The following PLCB4 variants were observed in gnomAD, a reference collection of about 807,000 sequenced individuals.
PLCB4 encodes phospholipase C beta 4.
A neutral mutation model predicts 178.8 loss-of-function variants in PLCB4; 77 were observed. That is an observed-to-expected ratio of 0.43 (90% confidence interval 0.36 to 0.52). PLCB4 has a LOEUF of 0.52. Ranked by LOEUF, PLCB4 falls within the 20% of genes least tolerant of loss-of-function variation. The pLI is 0.00. For missense variants in PLCB4, 1,024 were observed against 1,453.4 expected (o/e 0.70, Z 4.80); for synonymous variants, 496 against 490.8 (o/e 1.01, Z -0.14).
At chr20:9,100,120 G>T (rs2091084725) in intron 2 of PLCB4, among the ~76,000 whole-genome samples, 1 of 152,170 alleles carries the variant, frequency 6.6e-6, no homozygotes, top group African/African-American at 2.4e-5. Flanking sequence ...CTGGCGAGAT[G>T]ACTTAGAGAG....
chr20:9,476,528 CT>C (rs1251220344), intron 38 of PLCB4, among the ~76,000 whole-genome samples, 188 bp from the exon 39 acceptor site: 3 of 151,992 alleles, frequency 2.0e-5, no homozygotes, highest in East Asian at 1.9e-4. Flanking sequence ...TGTTTCGTTT[CT>C]TTTTTTTCTG....
intron 2 of PLCB4, among the ~76,000 whole-genome samples, chr20:9,147,743 C>G (rs1221474664): frequency 6.6e-6 from 1 of 152,138 alleles, no homozygotes; most frequent in Admixed American, 6.6e-5. Flanking sequence ...ACTTTTCAAG[C>G]CTTTCTTTGC....
At chr20:9,070,431 C>T (rs184439046) in intron 1 of PLCB4, among the ~76,000 whole-genome samples, 1 of 152,232 alleles carries the variant, frequency 6.6e-6, no homozygotes, top group Non-Finnish European at 1.5e-5. Flanking sequence ...TTTGAGTGGC[C>T]TCAGTTATAG....
intron 7 of PLCB4, among the ~76,000 whole-genome samples, chr20:9,357,134 A>T (rs1380767153): frequency 6.6e-6 from 1 of 152,206 alleles, no homozygotes; most frequent in East Asian, 1.9e-4. Context: ...ATAGAAAAGT[A>T]AAACAAGAAA....
intron 3 of PLCB4, among the ~76,000 whole-genome samples, chr20:9,287,419 C>A (rs2094545245): frequency 6.6e-6 from 1 of 152,026 alleles, no homozygotes; most frequent in Non-Finnish European, 1.5e-5. Context: ...CTGTCTGATT[C>A]TTTTGTGAAA....
intron 20 of PLCB4, 126 bp downstream of exon 20, chr20:9,401,716 G>A (rs2039042796): frequency 9.2e-6 from 6 of 653,508 alleles, no homozygotes; most frequent in Non-Finnish European, 1.3e-5. Context: ...CTTAGGATAC[G>A]AGTCTGTGCT....
chr20:9,094,770 G>T lies in PLCB4; in HGVS notation c.-134-1517G>T, dbSNP rs553554270. Among the ~76,000 whole-genome samples the T allele has an allele frequency of 2.6e-5, 4 of 152,278 alleles. No homozygotes were observed. In the South Asian group the frequency reaches 8.3e-4, roughly 32 times the overall value. Reference sequence around the variant, plus strand: ...ATCTATAAGTGGCCCCACCCCAGTTGTTACTATGTCATAGATTATGATTTG... The same window carrying T: ...ATCTATAAGTGGCCCCACCCCAGTTTTTACTATGTCATAGATTATGATTTG... On this transcript the variant is annotated intron_variant, in intron 1 of 39. Coordinates refer to ENST00000378473, the MANE Select transcript of PLCB4 (RefSeq NM_001377142.1).
chr20:9,418,502 T>A (rs1257175300), intron 25 of PLCB4, among the ~76,000 whole-genome samples: 1 of 152,178 alleles, frequency 6.6e-6, no homozygotes, highest in African/African-American at 2.4e-5. Context: ...TTATAGACTT[T>A]GATTCTGTCT....
chr20:9,241,708 G>C (rs2094064791), intron 3 of PLCB4, among the ~76,000 whole-genome samples: 1 of 152,146 alleles, frequency 6.6e-6, no homozygotes, highest in African/African-American at 2.4e-5. Flanking sequence ...AGGCAGGCAG[G>C]AGCCTTGACA....
intron 2 of PLCB4, among the ~76,000 whole-genome samples, chr20:9,106,190 G>A (rs780052899): frequency 1.3e-5 from 2 of 151,874 alleles, no homozygotes; most frequent in Non-Finnish European, 2.9e-5. Flanking sequence ...ATAAAAAGAT[G>A]GTCAAATCTG....
At chr20:9,139,177 T>C (rs1195078454) in intron 2 of PLCB4, among the ~76,000 whole-genome samples, 1 of 152,136 alleles carries the variant, frequency 6.6e-6, no homozygotes, top group African/African-American at 2.4e-5. Flanking sequence ...CCTTATCTTG[T>C]TTGCTAACCA....
Position 9,397,609 on chromosome 20 carries a change from A to G in PLCB4, c.1510+1991A>G, listed in dbSNP as rs572294547. On this transcript the variant is annotated intron_variant, in intron 19 of 39. Transcript: ENST00000378473. ...AACTAACCTTATTCAAGACTCCTTA[A>G]TAAAGACTCCTGACTGTGGAACAGA... Among the ~76,000 whole-genome samples the G allele has an allele frequency of 3.9e-5, 6 of 152,334 alleles. No homozygotes were observed. The East Asian group carries it at 1.2e-3, about 29-fold the overall frequency.
chr20:9,392,404 A>G (rs2038223440), intron 17 of PLCB4, among the ~76,000 whole-genome samples: 1 of 152,214 alleles, frequency 6.6e-6, no homozygotes, highest in Non-Finnish European at 1.5e-5. Context: ...ATGTAAATGA[A>G]TAGGATGAAG....
At chr20:9,378,329 T>C (rs80075746) in intron 12 of PLCB4, among the ~76,000 whole-genome samples, 2,729 of 152,274 alleles carry the variant, frequency 0.018, 83 homozygotes, top group African/African-American at 0.06. Context: ...AGTGCTGGGG[T>C]CTAAAAAGGA....
intron 33 of PLCB4, among the ~76,000 whole-genome samples, chr20:9,455,441 T>C (rs893331298): frequency 3.3e-5 from 5 of 152,182 alleles, no homozygotes; most frequent in African/African-American, 7.2e-5. Flanking sequence ...AAAAAATTGA[T>C]AAAATATATC....
intron 1 of PLCB4, among the ~76,000 whole-genome samples, chr20:9,085,302 G>T (rs985606776): frequency 6.6e-6 from 1 of 152,084 alleles, no homozygotes; most frequent in Admixed American, 6.5e-5. Context: ...ATGACCACTG[G>T]TTTGGTCATT....
intron 4 of PLCB4, among the ~76,000 whole-genome samples, chr20:9,333,395 A>T (rs865900708): frequency 2.0e-5 from 3 of 152,242 alleles, no homozygotes; most frequent in Middle Eastern, 3.4e-3. Context: ...AGGGCAGTAG[A>T]AAGAGACTTC....
At chr20:9,286,202 A>G (rs768978781) in intron 3 of PLCB4, among the ~76,000 whole-genome samples, 2 of 152,000 alleles carry the variant, frequency 1.3e-5, no homozygotes, top group Non-Finnish European at 2.9e-5. Context: ...GGGTTTTTCC[A>G]TCTACTTTTA....
In PLCB4 at chr20:9,150,552, C is replaced by G. The variant is rs537002319; in HGVS notation, c.-79+54210C>G. 3.9e-5 allele frequency among the ~76,000 whole-genome samples: 6 copies of G among 152,240 alleles called. No individual in the cohort carries two copies. The South Asian group carries it at 1.2e-3, about 32-fold the overall frequency. ...TCAAATTTGGTACAAATCAATGCAG[C>G]TTCCATTTTTTGAATACTTACTATG... On this transcript the variant is annotated intron_variant, in intron 2 of 39. Coordinates refer to ENST00000378473, the MANE Select transcript of PLCB4 (RefSeq NM_001377142.1).
Sources: gnomAD v4.1 joint callset for allele counts (sites outside exome capture counted in the v4.1 genomes callset) on GRCh38, gnomAD v4.1.1 for gene constraint, MANE v1.5 for transcripts, NCBI Gene and HGNC (gene_info 2026-07-23, HGNC 2026-07-21) for gene names.